Variants in GRM1 observed in about 807,000 individuals in gnomAD.
The protein encoded by GRM1 is metabotropic glutamate receptor 1.
A neutral mutation model predicts 90.9 loss-of-function variants in GRM1; 33 were observed. That is an observed-to-expected ratio of 0.36 (90% CI 0.28 to 0.49). The LOEUF (loss-of-function observed/expected upper bound fraction) is 0.49, where lower values mean the gene tolerates loss of function less well. GRM1 is among the 20% of genes least tolerant of loss of function. The pLI is 0.99. For synonymous variants in GRM1, 700 were observed against 613.2 expected (o/e 1.14, Z -2.09); for missense variants, 1,190 against 1,534.3 (o/e 0.78, Z 3.75).
chr6:146,304,698 G>A lies in GRM1; in HGVS notation c.1038G>A (p.Glu346=), dbSNP rs770122090. 5 of 1,613,714 alleles carry A rather than the reference G, an allele frequency of 3.1e-6. No homozygotes were observed. In the Admixed American group the frequency reaches 5.0e-5, roughly 16 times the overall value. Residue 346 remains glutamate (E), a synonymous_variant, in exon 3 of 8, where the codon GAG becomes GAA. Transcript: ENST00000282753. The part of the protein sequence containing the change: ...GGITIKLQSP[E]VRSFDDYFLK... The stretch of plus-strand genomic sequence containing the variant: ...TCACGATAAAGCTGCAGTCTCCAGA[G>A]GTCAGGTCATTTGATGATTATTTCC...
intron 1 of GRM1, among the ~76,000 whole-genome samples, chr6:146,037,963 G>C (rs900436459): frequency 3.9e-5 from 6 of 151,938 alleles, no homozygotes; most frequent in African/African-American, 1.4e-4. Context: ...TTCTGCATCT[G>C]AGCAACTCTA....
intron 5 of GRM1, among the ~76,000 whole-genome samples, chr6:146,360,750 T>C (rs1775435792): frequency 6.6e-6 from 1 of 152,170 alleles, no homozygotes; most frequent in Non-Finnish European, 1.5e-5. Context: ...TTAGCTCAGG[T>C]TCCCTTGAAC....
At chr6:146,199,625 C>G (rs577679605) in intron 2 of GRM1, among the ~76,000 whole-genome samples, 1 of 152,152 alleles carries the variant, frequency 6.6e-6, no homozygotes, top group Non-Finnish European at 1.5e-5. Context: ...TATTATCTGT[C>G]TGATGACTGC....
chr6:146,119,901 T>C (rs1338845143), intron 1 of GRM1, among the ~76,000 whole-genome samples: 1 of 152,224 alleles, frequency 6.6e-6, no homozygotes, highest in Non-Finnish European at 1.5e-5. Context: ...TTCTTTTGGC[T>C]TAGGATTGAC....
In GRM1 at chr6:146,261,792, T is replaced by G. The variant is rs966327258; in HGVS notation, c.951-42819T>G. Among the ~76,000 whole-genome samples the G allele has an allele frequency of 3.3e-5, 5 of 151,770 alleles. No individual in the cohort carries two copies. The East Asian group carries it at 9.7e-4, about 29-fold the overall frequency. On this transcript the variant is annotated intron_variant, in intron 2 of 7. Transcript: ENST00000282753. ...AGCATATGGGCTTGAGATGGTCTCC[T>G]AAAATGCAGAGAAAAAAATCAAATA...
At chr6:146,151,576 C>A (rs1337008623) in intron 1 of GRM1, among the ~76,000 whole-genome samples, 1 of 152,116 alleles carries the variant, frequency 6.6e-6, no homozygotes, top group Non-Finnish European at 1.5e-5. Flanking sequence ...TGAAATGCAA[C>A]ACAATCTGTT....
chr6:146,138,399 A>G (rs1776707536), intron 1 of GRM1, among the ~76,000 whole-genome samples: 1 of 152,082 alleles, frequency 6.6e-6, no homozygotes, highest in Non-Finnish European at 1.5e-5. Context: ...CTTTTTCAGC[A>G]TCAAGTGAAG....
chr6:146,270,131 G>A (rs1025783236), intron 2 of GRM1, among the ~76,000 whole-genome samples: 4 of 152,002 alleles, frequency 2.6e-5, no homozygotes, highest in Non-Finnish European at 4.4e-5. Context: ...ATTTAGGTAG[G>A]TTGAACTTTT....
intron 2 of GRM1, among the ~76,000 whole-genome samples, chr6:146,230,597 C>T (rs2114702311): frequency 6.6e-6 from 1 of 152,242 alleles, no homozygotes; most frequent in Admixed American, 6.5e-5. Flanking sequence ...CTTTTAAAGA[C>T]AATTTGGCAG....
intron 1 of GRM1, among the ~76,000 whole-genome samples, chr6:146,133,738 C>T (rs981406418): frequency 1.3e-5 from 2 of 152,200 alleles, no homozygotes; most frequent in Non-Finnish European, 2.9e-5. Context: ...TTGTGCAATC[C>T]TGTGCTTTGC....
chr6:146,146,081 T>G, intron 1 of GRM1, among the ~76,000 whole-genome samples: 1 of 146,188 alleles, frequency 6.8e-6, no homozygotes, highest in Admixed American at 6.8e-5. Context: ...ATTTGCCCTG[T>G]GCCTATGTAC....
chr6:146,119,317 G>T (rs974963677), intron 1 of GRM1, among the ~76,000 whole-genome samples: 1 of 152,120 alleles, frequency 6.6e-6, no homozygotes, highest in African/African-American at 2.4e-5. Flanking sequence ...ATTTGTTTGA[G>T]TTCTTTGTAG....
chr6:146,166,406 A>G (rs1204963280), intron 2 of GRM1, among the ~76,000 whole-genome samples: 5 of 152,174 alleles, frequency 3.3e-5, no homozygotes, highest in Non-Finnish European at 1.5e-5. Context: ...AGACAAAGTG[A>G]AAGGTTAACT....
rs374751014 is a variant in GRM1, at chr6:146,064,241, G to C, written c.700+34024G>C. 7.9e-5 allele frequency among the ~76,000 whole-genome samples: 12 copies of C among 152,270 alleles called. No individual in the cohort carries two copies. The South Asian group carries it at 2.5e-3, about 32-fold the overall frequency. ...TGTGCATGTGTGTGCACATGTATATGTTTATGTGTATCAAAAGTATAATTA... is the reference window on the plus strand; with the variant it reads ...TGTGCATGTGTGTGCACATGTATATCTTTATGTGTATCAAAAGTATAATTA... On this transcript the variant is annotated intron_variant, in intron 1 of 7. Coordinates refer to ENST00000282753, the MANE Select transcript of GRM1 (RefSeq NM_001278064.2).
chr6:146,160,316 G>C (rs764770076), intron 2 of GRM1, among the ~76,000 whole-genome samples: 5 of 152,156 alleles, frequency 3.3e-5, no homozygotes, highest in Non-Finnish European at 7.3e-5. Context: ...TGCTGGTGGT[G>C]GCTCCCAAAA....
intron 2 of GRM1, among the ~76,000 whole-genome samples, chr6:146,269,599 G>T (rs1023001700): frequency 2.0e-5 from 3 of 152,190 alleles, no homozygotes; most frequent in African/African-American, 7.2e-5. Context: ...CAGGAGGTGA[G>T]TGGCAGTGGT....
intron 2 of GRM1, among the ~76,000 whole-genome samples, chr6:146,223,722 C>T (rs742488): frequency 0.11 from 16,871 of 151,982 alleles, 1,836 homozygotes; most frequent in African/African-American, 0.28. Context: ...ACCCTTTCTC[C>T]GCCACATATT....
intron 1 of GRM1, among the ~76,000 whole-genome samples, chr6:146,058,842 C>G (rs1775571629): frequency 6.6e-6 from 1 of 152,120 alleles, no homozygotes. Flanking sequence ...TTTCTTAGTT[C>G]ATCCAGAAGA....
At chr6:146,062,542 T>C (rs1461902790) in intron 1 of GRM1, among the ~76,000 whole-genome samples, 1 of 144,240 alleles carries the variant, frequency 6.9e-6, no homozygotes, top group African/African-American at 2.9e-5. Flanking sequence ...AAATGCTGTT[T>C]GTTTTAAGAA....
Sources: gnomAD v4.1 joint callset for allele counts (sites outside exome capture counted in the v4.1 genomes callset) on GRCh38, gnomAD v4.1.1 for gene constraint, MANE v1.5 for transcripts, NCBI Gene and HGNC (gene_info 2026-07-23, HGNC 2026-07-21) for gene names.